FIRRM: variants seen among roughly 807,000 people sequenced by gnomAD.
FIRRM encodes FIGNL1 interacting regulator of recombination and mitosis.
At chr1:169,792,447 T>TA in the FIRRM span, 2 of 840,628 alleles carry the variant, frequency 2.4e-6, no homozygotes, top group Non-Finnish European at 3.5e-6. Flanking sequence ...ATAGCTCACT[T>TA]ACAATTTGGA....
chr1:169,786,918 T>C, the FIRRM span, among the ~76,000 whole-genome samples: 137 of 152,306 alleles, frequency 9.0e-4, 4 homozygotes, highest in East Asian at 0.019. Context: ...CCGTGACCGC[T>C]CTACTGGGAC....
the FIRRM span, among the ~76,000 whole-genome samples, chr1:169,808,474 T>A: frequency 6.6e-6 from 1 of 152,166 alleles, no homozygotes; most frequent in Non-Finnish European, 1.5e-5. Context: ...TATTGGGAAT[T>A]ATAACTCATT....
the FIRRM span, among the ~76,000 whole-genome samples, chr1:169,785,728 C>CA: frequency 7.9e-5 from 12 of 152,088 alleles, 2 homozygotes; most frequent in Non-Finnish European, 1.5e-5. Context: ...TTTTTAGGTG[C>CA]AAAAAACAGG....
chr1:169,798,726 T>G, the FIRRM span: 3 of 326,940 alleles, frequency 9.2e-6, no homozygotes, highest in Admixed American at 1.0e-4. Flanking sequence ...TTCTTTAATG[T>G]GTTTTCACAA....
At chr1:169,828,897 C>T in the FIRRM span, among the ~76,000 whole-genome samples, 10 of 152,182 alleles carry the variant, frequency 6.6e-5, no homozygotes, top group African/African-American at 2.4e-4. Context: ...GTTTCTTCAA[C>T]CATTTTAATC....
the FIRRM span, among the ~76,000 whole-genome samples, chr1:169,810,114 G>A: frequency 5.3e-5 from 8 of 152,044 alleles, no homozygotes; most frequent in African/African-American, 1.9e-4. Context: ...TCTTTTATAA[G>A]GGCACTTATG....
the FIRRM span, among the ~76,000 whole-genome samples, chr1:169,814,856 G>C: frequency 6.6e-6 from 1 of 152,062 alleles, no homozygotes. Context: ...ACCACATGGG[G>C]GTTGGCACCC....
the FIRRM span, among the ~76,000 whole-genome samples, chr1:169,797,324 C>T: frequency 6.6e-6 from 1 of 152,120 alleles, no homozygotes; most frequent in African/African-American, 2.4e-5. Context: ...TTGCATTTTA[C>T]GTATTATTTT....
chr1:169,823,506 A>G, the FIRRM span: 9 of 1,381,300 alleles, frequency 6.5e-6, no homozygotes, highest in Non-Finnish European at 9.1e-6. Context: ...TTAAGATACA[A>G]CAATGCCATC....
At chr1:169,833,332 A>C in the FIRRM span, among the ~76,000 whole-genome samples, 1 of 152,136 alleles carries the variant, frequency 6.6e-6, no homozygotes, top group East Asian at 1.9e-4. Flanking sequence ...TGTTGGTACT[A>C]TCATTAAGTT....
the FIRRM span, among the ~76,000 whole-genome samples, chr1:169,816,610 C>T: frequency 6.6e-6 from 1 of 152,160 alleles, no homozygotes; most frequent in Admixed American, 6.5e-5. Flanking sequence ...TAAGGAAACT[C>T]AGATAAGACT....
At chr1:169,795,082 G>C in the FIRRM span, 3 of 1,526,914 alleles carry the variant, frequency 2.0e-6, no homozygotes, top group Non-Finnish European at 2.6e-6. Context: ...CTGGTTTGAA[G>C]CTCTCCTGTT....
At chr1:169,820,348 A>C in the FIRRM span, among the ~76,000 whole-genome samples, 1 of 152,200 alleles carries the variant, frequency 6.6e-6, no homozygotes. Flanking sequence ...CAGTCCCATC[A>C]GCTCAAGTTT....
chr1:169,805,064 G>C, the FIRRM span, among the ~76,000 whole-genome samples: 1 of 152,218 alleles, frequency 6.6e-6, no homozygotes, highest in Non-Finnish European at 1.5e-5. Flanking sequence ...ATGAACAAGA[G>C]TTTGAAAAAC....
the FIRRM span, among the ~76,000 whole-genome samples, chr1:169,810,707 G>T: frequency 2.0e-5 from 3 of 151,824 alleles, no homozygotes; most frequent in African/African-American, 7.3e-5. Flanking sequence ...GAGGGACACA[G>T]TTCAACCCAT....
the FIRRM span, chr1:169,827,816 G>A: frequency 6.2e-7 from 1 of 1,613,968 alleles, no homozygotes; most frequent in Non-Finnish European, 8.5e-7. Flanking sequence ...TGCACAGACA[G>A]CCAGGTCTCA....
chr1:169,819,168 A>G, the FIRRM span, among the ~76,000 whole-genome samples: 10,097 of 152,306 alleles, frequency 0.066, 432 homozygotes, highest in Non-Finnish European at 0.099. Flanking sequence ...GAAACACTAT[A>G]GAAAAAGGCA....
the FIRRM span, chr1:169,803,133 A>G: frequency 1.9e-6 from 3 of 1,605,222 alleles, no homozygotes; most frequent in Non-Finnish European, 2.6e-6. Context: ...TGCACAAAAA[A>G]TATATTCTAA....
At chr1:169,807,785 A>G in the FIRRM span, 46 of 1,570,346 alleles carry the variant, frequency 2.9e-5, no homozygotes, top group Non-Finnish European at 3.7e-5. Flanking sequence ...CTTTTTATTC[A>G]TTTAGGCAGA....
Sources: gnomAD v4.1 joint callset for allele counts (sites outside exome capture counted in the v4.1 genomes callset) on GRCh38, gnomAD v4.1.1 for gene constraint, MANE v1.5 for transcripts, NCBI Gene and HGNC (gene_info 2026-07-23, HGNC 2026-07-21) for gene names.